PTN: variants seen among roughly 807,000 people sequenced by gnomAD.
PTN encodes heparin affin regulatory protein.
Under a neutral mutation model 24.1 loss-of-function variants are expected in PTN, and 18 were observed. That is an observed-to-expected ratio of 0.75 (90% confidence interval 0.52 to 1.11). PTN has a LOEUF of 1.11. Among genes scored for constraint, PTN ranks in the 50% least tolerant of loss-of-function variants. PTN has a pLI of 0.00. For synonymous variants in PTN, 78 were observed against 68.6 expected, an observed-to-expected ratio of 1.14 and a Z score of -0.67; for missense variants, 163 against 198.8, an observed-to-expected ratio of 0.82 and a Z score of 1.08.
At chr7:137,239,473 A>C (rs1808586676) in intron 4 of PTN, among the ~76,000 whole-genome samples, 1 of 151,904 alleles carries the variant, frequency 6.6e-6, no homozygotes. Flanking sequence ...ACATGTATAC[A>C]TGTGACGTGC....
At chr7:137,296,085 CT>C (rs1337063438) in intron 1 of PTN, among the ~76,000 whole-genome samples, 1 of 152,032 alleles carries the variant, frequency 6.6e-6, no homozygotes, top group Non-Finnish European at 1.5e-5. Flanking sequence ...TTCTCACTTA[CT>C]TAATGAAAAA....
intron 4 of PTN, among the ~76,000 whole-genome samples, chr7:137,238,446 T>C (rs1294183796): frequency 1.3e-5 from 2 of 152,332 alleles, no homozygotes; most frequent in East Asian, 3.9e-4. Flanking sequence ...GTAATTTTTA[T>C]ACAAAGACAA....
chr7:137,291,983 G>A (rs1453959895), intron 1 of PTN, among the ~76,000 whole-genome samples: 3 of 152,128 alleles, frequency 2.0e-5, no homozygotes, highest in Non-Finnish European at 2.9e-5. Flanking sequence ...TAACCCAATG[G>A]CATTCAGTCT....
chr7:137,311,559 C>T (rs1183825479), intron 1 of PTN, among the ~76,000 whole-genome samples: 1 of 152,144 alleles, frequency 6.6e-6, no homozygotes, highest in Non-Finnish European at 1.5e-5. Context: ...ATGTTCAACT[C>T]TTCCTTTTAT....
At chr7:137,328,489 A>AT (rs957525932) in intron 1 of PTN, among the ~76,000 whole-genome samples, 5 of 152,038 alleles carry the variant, frequency 3.3e-5, no homozygotes, top group Non-Finnish European at 4.4e-5. Flanking sequence ...CTGTAGCAGG[A>AT]TTTTTTTCCC....
intron 1 of PTN, among the ~76,000 whole-genome samples, chr7:137,272,932 A>G (rs942301830): frequency 6.6e-6 from 1 of 152,232 alleles, no homozygotes; most frequent in Admixed American, 6.5e-5. Context: ...TTGAGGTCCT[A>G]TTAGAATAAC....
intron 1 of PTN, among the ~76,000 whole-genome samples, chr7:137,294,549 C>T (rs192589828): frequency 1.2e-3 from 184 of 152,200 alleles, no homozygotes; most frequent in African/African-American, 4.3e-3. Flanking sequence ...ATCACCTACT[C>T]CCTACCAGGC....
chr7:137,301,653 A>G (rs901385828), intron 1 of PTN, among the ~76,000 whole-genome samples: 4 of 151,950 alleles, frequency 2.6e-5, no homozygotes, highest in African/African-American at 7.2e-5. Context: ...ATTCCCATGG[A>G]AAGTACCAAT....
chr7:137,255,026 G>T, intron 1 of PTN, 52 bp from the exon 2 acceptor site: 2 of 1,324,714 alleles, frequency 1.5e-6, no homozygotes, highest in Non-Finnish European at 2.1e-6. Flanking sequence ...AAGTCAGAAA[G>T]GAAGATTCAT....
intron 1 of PTN, among the ~76,000 whole-genome samples, chr7:137,341,012 C>T (rs559077083): frequency 6.6e-6 from 1 of 152,292 alleles, no homozygotes; most frequent in African/African-American, 2.4e-5. Context: ...ATTTATCACA[C>T]CATTTTCAAC....
At chr7:137,290,333 T>C (rs1809620918) in intron 1 of PTN, among the ~76,000 whole-genome samples, 2 of 152,202 alleles carry the variant, frequency 1.3e-5, no homozygotes, top group Admixed American at 6.5e-5. Context: ...GTGTTCTAAA[T>C]ACTTTTAGGA....
chr7:137,279,556 T>C (rs1192059930), intron 1 of PTN, among the ~76,000 whole-genome samples: 1 of 152,182 alleles, frequency 6.6e-6, no homozygotes, highest in Non-Finnish European at 1.5e-5. Flanking sequence ...AAGATGTAGA[T>C]TTGAGTAAGT....
chr7:137,267,211 CCT>C (rs1336064738), intron 1 of PTN, among the ~76,000 whole-genome samples: 1 of 151,680 alleles, frequency 6.6e-6, no homozygotes, highest in Non-Finnish European at 1.5e-5. Context: ...TTTGTCTCTT[CCT>C]CTCTTTCTGC....
Position 137,254,909 on chromosome 7 carries a change from A to C in PTN, c.65T>G (p.Phe22Cys). Residue 22 changes from phenylalanine to cysteine, a missense_variant, in exon 2 of 5, where the codon TTC becomes TGC. Coordinates refer to ENST00000348225, the MANE Select transcript of PTN (RefSeq NM_002825.7). ...AGCAGTATCCACAGCTGCCAGTATG[A>C]AAATGAATGCCAAGAAGGCAGCTGC... is the stretch of plus-strand genomic sequence containing the variant. ...KFAAAFLAFI[F>C]ILAAVDTAEA... 1 of 1,585,366 alleles carries C rather than the reference A, an allele frequency of 6.3e-7. No homozygotes were observed. The highest frequency in any genetic ancestry group is 1.1e-5 in the South Asian group (1 of 88,054).
intron 1 of PTN, among the ~76,000 whole-genome samples, chr7:137,276,831 TA>T (rs1443410500): frequency 6.6e-6 from 1 of 152,024 alleles, no homozygotes; most frequent in Non-Finnish European, 1.5e-5. Flanking sequence ...ATTTACTCAG[TA>T]AAGTTTGATT....
chr7:137,276,083 G>T (rs1809354828), intron 1 of PTN, among the ~76,000 whole-genome samples: 1 of 152,164 alleles, frequency 6.6e-6, no homozygotes, highest in Admixed American at 6.5e-5. Flanking sequence ...GGCTGATCTT[G>T]GTTATGTTTG....
intron 1 of PTN, among the ~76,000 whole-genome samples, chr7:137,258,688 T>C (rs1338806946): frequency 6.6e-6 from 1 of 152,156 alleles, no homozygotes; most frequent in Non-Finnish European, 1.5e-5. Flanking sequence ...TTGTAGTAAA[T>C]ACTTGAGTAA....
intron 2 of PTN, 131 bp from the exon 3 acceptor site, chr7:137,253,768 A>C: frequency 2.6e-6 from 2 of 765,972 alleles, no homozygotes; most frequent in Non-Finnish European, 3.8e-6. Flanking sequence ...TGTCTAATGA[A>C]TAGTAGAAAC....
intron 1 of PTN, among the ~76,000 whole-genome samples, chr7:137,278,846 CAGG>C (rs1809414792): frequency 6.6e-6 from 1 of 151,594 alleles, no homozygotes; most frequent in African/African-American, 2.4e-5. Flanking sequence ...GAGGCAGAAG[CAGG>C]AGAATTGCGT....
Sources: gnomAD v4.1 joint callset for allele counts (sites outside exome capture counted in the v4.1 genomes callset) on GRCh38, gnomAD v4.1.1 for gene constraint, MANE v1.5 for transcripts, NCBI Gene and HGNC (gene_info 2026-07-23, HGNC 2026-07-21) for gene names.